The following NCAPD3 variants were observed in gnomAD, a reference collection of about 807,000 sequenced individuals.
NCAPD3 encodes condensin-2 complex subunit D3.
NCAPD3 carries 105 observed loss-of-function variants against 182.9 expected under a neutral mutation model. That is an observed-to-expected ratio of 0.57 (90% CI 0.49 to 0.68). NCAPD3 has a LOEUF of 0.68. Ranked by LOEUF, NCAPD3 falls within the 30% of genes least tolerant of loss-of-function variation. The pLI is 0.00. For synonymous variants in NCAPD3, 815 were observed against 679.9 expected (o/e 1.20, Z -3.09); for missense variants, 1,944 against 1,837.0 (o/e 1.06, Z -1.07).
At chr11:134,181,875 A>C (rs948259188) in intron 19 of NCAPD3, among the ~76,000 whole-genome samples, 1 of 152,104 alleles carries the variant, frequency 6.6e-6, no homozygotes, top group African/African-American at 2.4e-5. Flanking sequence ...ATTATGTTGA[A>C]ATTATCTGCT....
chr11:134,212,375 T>TTGTGTGTGTGTG (rs56807520), intron 3 of NCAPD3, among the ~76,000 whole-genome samples: 4,319 of 143,228 alleles, frequency 0.03, 197 homozygotes, highest in African/African-American at 0.091. Flanking sequence ...TTTTGTTGTT[T>TTGTGTGTGTGTG]TGTGTGTGTG....
Position 134,185,530 on chromosome 11 carries a change from G to GAA in NCAPD3, c.2046-6_2046-5dup. On this transcript the variant is annotated splice_polypyrimidine_tract_variant and splice_region_variant and intron_variant, in intron 16 of 34. Coordinates refer to ENST00000534548, the MANE Select transcript of NCAPD3 (RefSeq NM_015261.3). Reference sequence around the variant, plus strand: ...AAAAGCCTTATTTAAATATCGGCTGGAAAAAAAAAAGATAGAAAAGCAGAA... The same window carrying GAA: ...AAAAGCCTTATTTAAATATCGGCTGGAAAAAAAAAAAAGATAGAAAAGCAGAA... 2.1e-6 allele frequency: 3 copies of GAA among 1,420,338 alleles called. No individual in the cohort carries two copies. Among genetic ancestry groups the GAA allele is most frequent in the Admixed American group, 2.2e-5 (1 of 45,178 alleles). The allele number at this position is 1,420,338 out of a possible 1,614,324, so 88.0% of individuals were successfully genotyped here. A position where few individuals can be genotyped will look rare whatever the true frequency, so the allele number is the denominator to read the frequency against.
chr11:134,179,076 C>T (rs1565535897), intron 20 of NCAPD3, 140 bp from the exon 21 acceptor site: 1 of 623,642 alleles, frequency 1.6e-6, no homozygotes, highest in Non-Finnish European at 2.8e-6. Flanking sequence ...CATAAAAATA[C>T]ATGGCTATTG....
At chr11:134,180,410 T>C (rs193132632) in intron 20 of NCAPD3, among the ~76,000 whole-genome samples, 1 of 152,292 alleles carries the variant, frequency 6.6e-6, no homozygotes, top group East Asian at 1.9e-4. Flanking sequence ...AAAAAGCAGC[T>C]CATTATTTCC....
rs1411543182 is a variant in NCAPD3, at chr11:134,151,776, T to C, written c.*1168A>G. 1 of 152,210 alleles carries C rather than the reference T, an allele frequency of 6.6e-6. No homozygotes were observed. The highest frequency in any genetic ancestry group is 6.5e-5 in the Admixed American group (1 of 15,282). The allele number at this position is 152,210 out of a possible 1,614,324, so 9.4% of individuals were successfully genotyped here. Reference sequence around the variant, plus strand: ...CAAACATTGCTTCATTCTTTGTTATTTGCTCTTACGTTGGGTTTGTCTCTT... The same window carrying C: ...CAAACATTGCTTCATTCTTTGTTATCTGCTCTTACGTTGGGTTTGTCTCTT... On this transcript the variant is annotated 3_prime_UTR_variant, in exon 35 of 35. Coordinates refer to ENST00000534548, the MANE Select transcript of NCAPD3 (RefSeq NM_015261.3).
intron 13 of NCAPD3, among the ~76,000 whole-genome samples, chr11:134,196,828 A>C (rs1306076833): frequency 6.6e-6 from 1 of 152,176 alleles, no homozygotes; most frequent in Non-Finnish European, 1.5e-5. Flanking sequence ...AAAAAATAGA[A>C]AAGAATACAC....
At chr11:134,164,719 C>T (rs904871727) in intron 27 of NCAPD3, among the ~76,000 whole-genome samples, 1 of 149,842 alleles carries the variant, frequency 6.7e-6, no homozygotes, top group Non-Finnish European at 1.5e-5. Context: ...TGTACACTCA[C>T]TTGCGACATG....
intron 29 of NCAPD3, 68 bp from the exon 30 acceptor site, chr11:134,158,563 A>C: frequency 1.3e-6 from 2 of 1,502,240 alleles, no homozygotes; most frequent in Non-Finnish European, 1.8e-6. Flanking sequence ...GATATATGAT[A>C]GTTGTACATG....
intron 13 of NCAPD3, among the ~76,000 whole-genome samples, chr11:134,195,741 G>C (rs1297178965): frequency 6.6e-6 from 1 of 152,012 alleles, no homozygotes; most frequent in African/African-American, 2.4e-5. Flanking sequence ...CATTGTTTTA[G>C]AGTTTTGCAA....
intron 13 of NCAPD3, among the ~76,000 whole-genome samples, chr11:134,196,157 A>G (rs1265179364): frequency 6.6e-6 from 1 of 152,220 alleles, no homozygotes; most frequent in Non-Finnish European, 1.5e-5. Context: ...GAAAGGAGGG[A>G]CATTACTACT....
intron 32 of NCAPD3, among the ~76,000 whole-genome samples, chr11:134,155,661 A>T (rs752829691): frequency 6.6e-6 from 1 of 152,202 alleles, no homozygotes; most frequent in Non-Finnish European, 1.5e-5. Context: ...GAGCACAACG[A>T]AAATGAGATG....
intron 8 of NCAPD3, 115 bp downstream of exon 8, chr11:134,206,484 C>A (rs1937618262): frequency 7.1e-7 from 1 of 1,415,562 alleles, no homozygotes; most frequent in Admixed American, 2.2e-5. Context: ...TTTTCACCCC[C>A]AAAACCACCA....
intron 3 of NCAPD3, among the ~76,000 whole-genome samples, chr11:134,216,559 A>G (rs905894921): frequency 1.3e-5 from 2 of 151,682 alleles, no homozygotes; most frequent in African/African-American, 4.8e-5. Flanking sequence ...CAATACCAAC[A>G]TCGGAGAGGT....
At chr11:134,183,460 C>T (rs535972166) in intron 19 of NCAPD3, among the ~76,000 whole-genome samples, 3 of 152,172 alleles carry the variant, frequency 2.0e-5, no homozygotes, top group South Asian at 2.1e-4. Flanking sequence ...CCCAGCTACT[C>T]GGGAGGCTGA....
intron 16 of NCAPD3, among the ~76,000 whole-genome samples, chr11:134,188,595 C>G (rs1436028795): frequency 1.3e-5 from 2 of 152,130 alleles, no homozygotes; most frequent in African/African-American, 4.8e-5. Context: ...GAGGAACAAA[C>G]AACTCCGGAT....
At chr11:134,178,598 A>G in intron 22 of NCAPD3, 36 bp downstream of exon 22, 1 of 1,459,510 alleles carries the variant, frequency 6.9e-7, no homozygotes, top group Non-Finnish European at 9.3e-7. Flanking sequence ...TACACACAGA[A>G]CGATGTCAAG....
rs777015308 is a variant in NCAPD3 at position 134,192,817 on chromosome 11, G to T, written c.1917C>A (p.Ala639=). The T allele has an allele frequency of 2.5e-6, 4 of 1,614,058 alleles. No homozygotes were observed. The South Asian group carries it at 4.4e-5, about 18-fold the overall frequency. ...MDCESTVQEK[A]LEFLDQLLLQ... ...GCAGCAGCTGGTCCAGGAACTCCAG[G>T]GCCTTCTCCTGCACAGTGCTCTCGC... Residue 639 remains alanine, a synonymous_variant, in exon 16 of 35, where the codon GCC becomes GCA. Coordinates refer to ENST00000534548, the MANE Select transcript of NCAPD3 (RefSeq NM_015261.3).
In NCAPD3 at chr11:134,151,213, G is replaced by C. The variant is rs541033935; in HGVS notation, c.*1731C>G. On this transcript the variant is annotated 3_prime_UTR_variant, in exon 35 of 35. Coordinates refer to ENST00000534548, the MANE Select transcript of NCAPD3 (RefSeq NM_015261.3). ...AGCTTTTTTTTAATTGCATACATGA[G>C]ACTGTGTTGACTTTTTTTAGTTATG... is the stretch of plus-strand genomic sequence containing the variant. 6.6e-6 allele frequency: 1 copy of C among 152,286 alleles called. No individual in the cohort carries two copies. Among genetic ancestry groups the C allele is most frequent in the Admixed American group, 6.5e-5 (1 of 15,294 alleles). 9.4% of individuals were successfully genotyped at this position (152,286 alleles called of 1,614,324 possible).
chr11:134,165,311 T>G (rs1943741587), intron 27 of NCAPD3, among the ~76,000 whole-genome samples: 1 of 150,070 alleles, frequency 6.7e-6, no homozygotes, highest in South Asian at 2.1e-4. Context: ...AGCTGCACAC[T>G]CACTTGTGAC....
Sources: gnomAD v4.1 joint callset for allele counts (sites outside exome capture counted in the v4.1 genomes callset) on GRCh38, gnomAD v4.1.1 for gene constraint, MANE v1.5 for transcripts, NCBI Gene and HGNC (gene_info 2026-07-23, HGNC 2026-07-21) for gene names.